Variants in RAB38 observed in about 807,000 individuals in gnomAD.
RAB38 encodes the protein RAB38, member RAS oncogene family, also known as ras-related protein Rab-38.
Under a neutral mutation model 18.4 loss-of-function variants are expected in RAB38, and 15 were observed. The ratio of observed to expected loss-of-function variants is 0.82; its 90% CI spans 0.55 to 1.26. The LOEUF (loss-of-function observed/expected upper bound fraction) is 1.26. RAB38 is among the 50% of genes most tolerant of loss of function. The pLI, the probability that RAB38 is intolerant of heterozygous loss-of-function variation, is 0.00. For missense variants in RAB38, 294 were observed against 267.4 expected (o/e 1.10, Z -0.69); for synonymous variants, 101 against 104.4 (o/e 0.97, Z 0.20).
the RAB38 span, among the ~76,000 whole-genome samples, chr11:87,942,954 T>G: frequency 1.1e-4 from 17 of 152,280 alleles, no homozygotes; most frequent in African/African-American, 4.1e-4. Flanking sequence ...TTTATTCCTT[T>G]AATGCAGGGA....
At chr11:88,095,235 GA>G in the RAB38 span, among the ~76,000 whole-genome samples, 1 of 151,836 alleles carries the variant, frequency 6.6e-6, no homozygotes, top group Admixed American at 6.6e-5. Context: ...CACCATTCCT[GA>G]CATAATCCCA....
At chr11:87,947,750 C>G in the RAB38 span, among the ~76,000 whole-genome samples, 1 of 152,136 alleles carries the variant, frequency 6.6e-6, no homozygotes, top group Non-Finnish European at 1.5e-5. Context: ...GTCTATATCT[C>G]TGTTTTGGTA....
At chr11:88,032,276 C>A in the RAB38 span, among the ~76,000 whole-genome samples, 3 of 152,140 alleles carry the variant, frequency 2.0e-5, no homozygotes, top group Non-Finnish European at 4.4e-5. Context: ...CCATAACAAC[C>A]CTAGAAGAAA....
the RAB38 span, among the ~76,000 whole-genome samples, chr11:87,872,631 C>A: frequency 6.6e-6 from 1 of 151,592 alleles, no homozygotes; most frequent in Non-Finnish European, 1.5e-5. Context: ...CTGGAAATCA[C>A]TGATTACTGT....
the RAB38 span, among the ~76,000 whole-genome samples, chr11:87,828,598 G>T: frequency 2.6e-5 from 4 of 152,144 alleles, no homozygotes; most frequent in Non-Finnish European, 4.4e-5. Context: ...AAGGTAACTA[G>T]GTTCTTCTTG....
chr11:87,976,953 A>AT, the RAB38 span, among the ~76,000 whole-genome samples: 1 of 45,372 alleles, frequency 2.2e-5, no homozygotes, highest in Non-Finnish European at 3.7e-5. Flanking sequence ...TATAAAATAT[A>AT]ATTACATTAT....
At chr11:88,111,014 A>G (rs560579428), downstream of RAB38, among the ~76,000 whole-genome samples, 10 of 152,170 alleles carry the variant, frequency 6.6e-5, no homozygotes, top group East Asian at 1.9e-3. Context: ...AGACAGTAAG[A>G]ATACTAACAG....
At chr11:88,038,054 A>G in the RAB38 span, among the ~76,000 whole-genome samples, 67,427 of 152,028 alleles carry the variant, frequency 0.44, 16,732 homozygotes, top group Non-Finnish European at 0.56. Flanking sequence ...CTTTTTGCTC[A>G]TCTGTGAGTT....
chr11:88,003,868 T>G, the RAB38 span, among the ~76,000 whole-genome samples: 74 of 9,968 alleles, frequency 7.4e-3, 24 homozygotes, highest in Non-Finnish European at 0.013. Flanking sequence ...ATAAATATAA[T>G]TATATATTTA....
chr11:87,946,789 A>C, the RAB38 span, among the ~76,000 whole-genome samples: 2 of 152,160 alleles, frequency 1.3e-5, no homozygotes, highest in African/African-American at 4.8e-5. Context: ...CCAGGCTATC[A>C]TTGTTGGACA....
chr11:88,074,416 G>GT, the RAB38 span, among the ~76,000 whole-genome samples: 1 of 152,120 alleles, frequency 6.6e-6, no homozygotes, highest in South Asian at 2.1e-4. Context: ...GAGTTACAGA[G>GT]TTTTAAAATT....
the RAB38 span, among the ~76,000 whole-genome samples, chr11:87,958,686 A>G: frequency 6.6e-6 from 1 of 152,142 alleles, no homozygotes; most frequent in African/African-American, 2.4e-5. Flanking sequence ...GAGAAAACTG[A>G]AAAGTATCAA....
At chr11:87,874,167 A>AT in the RAB38 span, among the ~76,000 whole-genome samples, 1 of 150,720 alleles carries the variant, frequency 6.6e-6, no homozygotes, top group African/African-American at 2.4e-5. Context: ...GTTTACTTCT[A>AT]TTTTTTCACC....
At chr11:88,017,667 C>T in the RAB38 span, among the ~76,000 whole-genome samples, 1 of 147,504 alleles carries the variant, frequency 6.8e-6, no homozygotes, top group African/African-American at 2.5e-5. Context: ...AGCTCTGTCT[C>T]TATATGTTAC....
At chr11:88,031,718 G>A in the RAB38 span, among the ~76,000 whole-genome samples, 127 of 151,386 alleles carry the variant, frequency 8.4e-4, no homozygotes, top group Non-Finnish European at 1.6e-3. Flanking sequence ...CACTGCTCAA[G>A]GAAATAAAAG....
chr11:88,134,735 C>A (rs904671448), intron 2 of RAB38, among the ~76,000 whole-genome samples: 4 of 152,212 alleles, frequency 2.6e-5, no homozygotes, highest in Non-Finnish European at 5.9e-5. Flanking sequence ...AGCTGATCTG[C>A]TTCCAACCTT....
At chr11:87,832,729 A>G in the RAB38 span, among the ~76,000 whole-genome samples, 14 of 151,726 alleles carry the variant, frequency 9.2e-5, no homozygotes, top group Admixed American at 9.2e-4. Context: ...TGGAGAGTGT[A>G]CTCTCCTTTT....
the RAB38 span, among the ~76,000 whole-genome samples, chr11:88,047,641 T>C: frequency 6.6e-6 from 1 of 152,190 alleles, no homozygotes; most frequent in Admixed American, 6.5e-5. Flanking sequence ...AATGCCTCTT[T>C]AATAAAAACG....
chr11:87,956,755 G>GAAAGT, the RAB38 span, among the ~76,000 whole-genome samples: 1 of 152,022 alleles, frequency 6.6e-6, no homozygotes, highest in South Asian at 2.1e-4. Flanking sequence ...TACCTTAACT[G>GAAAGT]AAAGTAAGTC....
Sources: allele counts gnomAD v4.1 joint callset (sites outside exome capture counted in the v4.1 genomes callset), GRCh38; gene constraint gnomAD v4.1.1; transcripts MANE v1.5; gene names NCBI Gene and HGNC (gene_info 2026-07-23, HGNC 2026-07-21).